Variants in IFT27 observed in about 807,000 individuals in gnomAD.
IFT27 encodes intraflagellar transport protein 27 homolog.
Under a neutral mutation model 23.9 loss-of-function variants are expected in IFT27, and 19 were observed. That is an observed-to-expected ratio of 0.79 (90% CI 0.55 to 1.16). The LOEUF (loss-of-function observed/expected upper bound fraction) is 1.16, where lower values mean the gene tolerates loss of function less well. Ranked by LOEUF, IFT27 falls within the 50% of genes most tolerant of loss-of-function variation. The probability of loss-of-function intolerance (pLI) is 0.00; values close to 1 mark genes in which losing one functional copy is unlikely to be tolerated. For missense variants in IFT27, 206 were observed against 228.7 expected, an observed-to-expected ratio of 0.90 and a Z score of 0.64; for synonymous variants, 91 against 89.1, an observed-to-expected ratio of 1.02 and a Z score of -0.12.
Position 36,775,746 on chromosome 22 carries a change from G to C in IFT27, c.-39C>G. The C allele has an allele frequency of 6.2e-7, 1 of 1,613,304 alleles. No individual in the cohort carries two copies. Among genetic ancestry groups the C allele is most frequent in the Non-Finnish European group, 8.5e-7 (1 of 1,179,270 alleles). On this transcript the variant is annotated 5_prime_UTR_variant, in exon 1 of 7. Transcript: ENST00000433985. ...CCCGCGAGCCGTACCCAGAGGACAA[G>C]AGCGGCTGCTAGAGACGCGAGTGGG...
rs779329189 is a variant in IFT27, at chr22:36,764,027, G to T, written c.244C>A (p.Pro82Thr). ...TCATAGACGAGACATAAGACATTGG[G>T]ACTCTCCCACTGTGCAAGAGGGACA... ...SEMLDKLWES[P>T]NVLCLVYDVT... Residue 82 changes from proline (P) to threonine (T), a missense_variant, in exon 5 of 7, where the codon CCC (proline) becomes ACC (threonine). Physicochemically the swap from Pro to Thr is conservative, Grantham distance 38. Coordinates refer to ENST00000433985, the MANE Select transcript of IFT27 (RefSeq NM_001177701.3). The T allele has an allele frequency of 3.7e-6, 6 of 1,611,652 alleles. No homozygotes were observed. Among genetic ancestry groups the T allele is most frequent in the Non-Finnish European group, 4.2e-6 (5 of 1,177,688 alleles).
chr22:36,763,865 T>C (rs1426495226), intron 5 of IFT27, 54 bp downstream of exon 5: 1 of 1,316,666 alleles, frequency 7.6e-7, no homozygotes. Flanking sequence ...CCTTGTGCTC[T>C]TGAACCAAAG....
At chr22:36,766,229 G>A (rs1312628377) in intron 3 of IFT27, 32 bp from the exon 4 acceptor site, 15 of 1,597,060 alleles carry the variant, frequency 9.4e-6, no homozygotes, top group Admixed American at 5.0e-5. Flanking sequence ...AAGTCTCCAC[G>A]TGGAAAAACC....
intron 1 of IFT27, among the ~76,000 whole-genome samples, chr22:36,773,022 C>G (rs1316564693): frequency 6.6e-6 from 1 of 152,130 alleles, no homozygotes; most frequent in Non-Finnish European, 1.5e-5. Context: ...AGTGGCTGCA[C>G]TCAGGTGAAA....
chr22:36,767,563 T>C (rs5756338), intron 2 of IFT27, among the ~76,000 whole-genome samples, 198 bp from the exon 3 acceptor site: 115,622 of 152,130 alleles, frequency 0.76, 44,367 homozygotes, highest in Middle Eastern at 0.91. Flanking sequence ...CCTGCCCTGA[T>C]GTGAGCTGCT....
intron 5 of IFT27, 163 bp downstream of exon 5, chr22:36,763,756 G>C (rs1232461775): frequency 1.4e-6 from 1 of 705,930 alleles, no homozygotes; most frequent in Admixed American, 2.0e-5. Context: ...GACTCACCGA[G>C]GTTGGCATGG....
chr22:36,763,775 T>C (rs739002), intron 5 of IFT27, 144 bp downstream of exon 5: 569,337 of 720,276 alleles, frequency 0.79, 226,606 homozygotes, highest in East Asian at 0.92. Context: ...GGCTGCTAAG[T>C]GGCAGGGCCA....
chr22:36,764,733 A>G (rs1429120377), intron 4 of IFT27, among the ~76,000 whole-genome samples: 1 of 152,234 alleles, frequency 6.6e-6, no homozygotes, highest in Non-Finnish European at 1.5e-5. Flanking sequence ...CCATGACCCA[A>G]TTAAGAGCCA....
At position 36,767,380 on chromosome 22, in the gene IFT27, C is replaced by A. The variant is rs1376316864; in HGVS notation, c.115-15G>T. ...ATTCCTGTTGTCTGCCGAGGAACAC[C>A]AAGAATGTTAGCACTGAGGGCCCCC... On this transcript the variant is annotated splice_polypyrimidine_tract_variant and intron_variant, in intron 2 of 6. Transcript: ENST00000433985. 1 of 1,609,412 alleles carries A rather than the reference C, an allele frequency of 6.2e-7. No homozygotes were observed. Among genetic ancestry groups the A allele is most frequent in the Admixed American group, 1.7e-5 (1 of 59,704 alleles).
At chr22:36,774,067 C>T (rs1355801018) in intron 1 of IFT27, among the ~76,000 whole-genome samples, 1 of 152,124 alleles carries the variant, frequency 6.6e-6, no homozygotes, top group Non-Finnish European at 1.5e-5. Context: ...TCAAAAAGTG[C>T]TTCGTCCAAG....
intron 3 of IFT27, 105 bp downstream of exon 3, chr22:36,767,201 C>T (rs764290867): frequency 4.6e-5 from 40 of 878,990 alleles, no homozygotes; most frequent in Non-Finnish European, 7.1e-5. Context: ...CAAGTCTAGA[C>T]CACAGCCTTG....
chr22:36,768,110 A>G (rs1243319803), intron 1 of IFT27: 1 of 624,540 alleles, frequency 1.6e-6, no homozygotes, highest in Non-Finnish European at 3.1e-6. Flanking sequence ...CTGACCCAGA[A>G]GGTAACAGAA....
intron 4 of IFT27, among the ~76,000 whole-genome samples, chr22:36,765,818 G>A (rs1415522842): frequency 6.6e-6 from 1 of 152,202 alleles, no homozygotes; most frequent in Non-Finnish European, 1.5e-5. Context: ...TGGGAGGTAG[G>A]GGACACCATC....
At position 36,763,005 on chromosome 22, in the gene IFT27, C is replaced by T. The variant is rs1938138306; in HGVS notation, c.361G>A (p.Val121Ile). 3 of 1,597,572 alleles carry T rather than the reference C, an allele frequency of 1.9e-6. No individual in the cohort carries two copies. The highest frequency in any genetic ancestry group is 1.3e-5 in the African/African-American group (1 of 74,536). The change falls in exon 6 of 7, where the codon GTT becomes ATT. Residue 121 changes from valine to isoleucine, a missense_variant. Coordinates refer to ENST00000433985, the MANE Select transcript of IFT27 (RefSeq NM_001177701.3). ...CCGGCCAGGTCTGTCTTGTTCCCAA[C>T]TAAAACACCTACTCAGAAGAAACAA... ...APGISLPGVL[V>I]GNKTDLAGRR...
At chr22:36,761,896 C>G (rs1938100569) in intron 6 of IFT27, 6 of 152,268 alleles carry the variant, frequency 3.9e-5, no homozygotes. Context: ...AGAAGATGAC[C>G]TCCAGAACAT....
intron 2 of IFT27, 43 bp downstream of exon 2, chr22:36,767,740 A>G: frequency 1.3e-6 from 2 of 1,523,418 alleles, no homozygotes; most frequent in East Asian, 4.5e-5. Context: ...TGAACCGAGC[A>G]CTTCTCTATA....
intron 4 of IFT27, among the ~76,000 whole-genome samples, chr22:36,765,542 T>G (rs1938222713): frequency 6.6e-6 from 1 of 152,184 alleles, no homozygotes; most frequent in Non-Finnish European, 1.5e-5. Flanking sequence ...GTGGCTGTTC[T>G]TGGAAAGGCA....
chr22:36,758,445 T>G (rs1257820685), intron 6 of IFT27, 36 bp from the exon 7 acceptor site: 1 of 1,529,984 alleles, frequency 6.5e-7, no homozygotes, highest in East Asian at 2.2e-5. Context: ...CTGTGTTCTT[T>G]TAGAAGGGTC....
chr22:36,758,278 C>A lies in IFT27; in HGVS notation c.*33G>T, dbSNP rs1345632523. 2 of 1,500,536 alleles carry A rather than the reference C, an allele frequency of 1.3e-6. No individual in the cohort carries two copies. Among genetic ancestry groups the A allele is most frequent in the African/African-American group, 2.8e-5 (2 of 72,596 alleles). 93.0% of individuals were successfully genotyped at this position (1,500,536 alleles called of 1,614,324 possible). On this transcript the variant is annotated 3_prime_UTR_variant, in exon 7 of 7. Transcript: ENST00000433985. The stretch of plus-strand genomic sequence containing the variant: ...AAAAGAGCAGAGGTAATTCTGTCTT[C>A]TCCGGTTGTGCAGCACGATCTGCTC...
Sources: gnomAD v4.1 joint callset for allele counts (sites outside exome capture counted in the v4.1 genomes callset) on GRCh38, gnomAD v4.1.1 for gene constraint, MANE v1.5 for transcripts, NCBI Gene and HGNC (gene_info 2026-07-23, HGNC 2026-07-21) for gene names.